Variants in HECTD4 observed in about 807,000 individuals in gnomAD.
The protein encoded by HECTD4 is probable E3 ubiquitin-protein ligase HECTD4.
In HECTD4, 114 loss-of-function variants were observed where a neutral mutation model predicts 471.5. The observed-to-expected ratio is 0.24, with a 90% CI of 0.21 to 0.28. The LOEUF (loss-of-function observed/expected upper bound fraction) is 0.28, where lower values mean the gene tolerates loss of function less well. Ranked by LOEUF, HECTD4 falls within the 10% of genes least tolerant of loss-of-function variation. The probability of loss-of-function intolerance (pLI) is 1.00; values close to 1 mark genes in which losing one functional copy is unlikely to be tolerated. For synonymous variants in HECTD4, 2,012 were observed against 2,256.0 expected, an observed-to-expected ratio of 0.89 and a Z score of 3.07; for missense variants, 3,866 against 5,651.5, an observed-to-expected ratio of 0.68 and a Z score of 10.13.
At chr12:112,201,239 C>T (rs2032418849) in intron 54 of HECTD4, 1 of 342,856 alleles carries the variant, frequency 2.9e-6, no homozygotes, top group Non-Finnish European at 5.7e-6. Context: ...GACTAGGCAC[C>T]CACCACTGTG....
chr12:112,371,497 C>T (rs2036668339), intron 1 of HECTD4, among the ~76,000 whole-genome samples: 2 of 151,930 alleles, frequency 1.3e-5, no homozygotes, highest in East Asian at 1.9e-4. Context: ...ATAGCTTGAA[C>T]CCAAGAGGCG....
In HECTD4 at chr12:112,196,901, T is replaced by C. The variant is rs1487731949; in HGVS notation, c.8568-1835A>G. 3.3e-5 allele frequency among the ~76,000 whole-genome samples: 5 copies of C among 152,294 alleles called. No individual in the cohort carries two copies. In the East Asian group the frequency reaches 9.6e-4, roughly 29 times the overall value. On this transcript the variant is annotated intron_variant, in intron 55 of 75. Coordinates refer to ENST00000682272, the MANE Select transcript of HECTD4 (RefSeq NM_001388303.1). ...AACTCCGCCTCCCAGGTTCAAGCGA[T>C]TCTCCTGCCTTGGCCTCCCAAGTAG...
Position 112,243,109 on chromosome 12 carries a change from G to T in HECTD4, c.4958+244C>A, listed in dbSNP as rs1266117151. On this transcript the variant is annotated intron_variant, in intron 32 of 75. Coordinates refer to ENST00000682272, the MANE Select transcript of HECTD4 (RefSeq NM_001388303.1). This position sits in a 1 kb window ranked among gnomAD's most constrained non-coding sequence, Gnocchi z 6.6. ...AAGAATTATACAGCTGCTTATGCAT[G>T]TATGGTTGCTGTAATGAGCTCTTAA... Among the ~76,000 whole-genome samples the T allele has an allele frequency of 1.3e-5, 2 of 152,208 alleles. No individual in the cohort carries two copies. Among genetic ancestry groups the T allele is most frequent in the Admixed American group, 1.3e-4 (2 of 15,282 alleles).
At chr12:112,359,711 G>A (rs577820297) in intron 1 of HECTD4, among the ~76,000 whole-genome samples, 12 of 152,044 alleles carry the variant, frequency 7.9e-5, no homozygotes, top group Admixed American at 3.3e-4. Flanking sequence ...GAGCCACCGC[G>A]CCTGGCCTAC....
intron 1 of HECTD4, among the ~76,000 whole-genome samples, chr12:112,327,845 C>T (rs1321312459): frequency 1.3e-5 from 2 of 152,070 alleles, no homozygotes; most frequent in Non-Finnish European, 2.9e-5. Flanking sequence ...CTGGTTAGGA[C>T]GGAAGACAGG....
At chr12:112,367,537 C>T (rs1440912231) in intron 1 of HECTD4, among the ~76,000 whole-genome samples, 2 of 151,390 alleles carry the variant, frequency 1.3e-5, no homozygotes, top group Admixed American at 6.6e-5. Flanking sequence ...AAAATGCTTC[C>T]GGCAGGGCCC....
chr12:112,227,204 A>T (rs907079333), intron 43 of HECTD4, among the ~76,000 whole-genome samples: 7 of 152,232 alleles, frequency 4.6e-5, no homozygotes, highest in African/African-American at 1.7e-4. Flanking sequence ...TCACGCCTGT[A>T]ATCCCAGCAA....
rs747175625 is a variant in HECTD4 at position 112,340,057 on chromosome 12, A to T, written c.178-20315T>A. Among the ~76,000 whole-genome samples the T allele has an allele frequency of 7.6e-4, 115 of 152,110 alleles. 1 individual carries two copies. Among genetic ancestry groups the T allele is most frequent in the Admixed American group, 1.1e-3 (17 of 15,278 alleles). ...GAGTGAGACTCAAAAAAAAAAAAAG[A>T]AAAGAAAACTCACTTTCAACTTACA... On this transcript the variant is annotated intron_variant, in intron 1 of 75. Coordinates refer to ENST00000682272, the MANE Select transcript of HECTD4 (RefSeq NM_001388303.1).
chr12:112,184,629 T>C lies in HECTD4; in HGVS notation c.10337A>G (p.Asp3446Gly), dbSNP rs746088312. ...TTTCCCGTCCCCGCCCTCGGCCTTG[T>C]CTTTTGGCTTCTTGGTGTCTTCTTC... Reference protein sequence around the residue: ...LQEEDTKKPKDKAEGGDGKVE... With the variant: ...LQEEDTKKPKGKAEGGDGKVE... Residue 3446 changes from aspartate (D) to glycine (G), a missense_variant, in exon 61 of 76, where the codon GAC becomes GGC. Physicochemically the swap from Asp to Gly is moderately conservative, Grantham distance 94. This residue lies in a region of HECTD4 where 71 missense variants were observed against 144.5 expected (regional missense o/e 0.49). Transcript: ENST00000682272. The surrounding 1 kb of genome is among the most constrained non-coding windows in gnomAD (Gnocchi z 9.1). The C allele has an allele frequency of 1.9e-6, 3 of 1,613,864 alleles. No homozygotes were observed. Among genetic ancestry groups the C allele is most frequent in the Admixed American group, 1.7e-5 (1 of 60,018 alleles).
rs540537169 is a variant in HECTD4 at position 112,219,594 on chromosome 12, C to T, written c.6971-105G>A. ...AAAACAATAAAATGCACTTATAGAGCTCATTGAATTTTTTTTTTTTTTTGA... is the reference window on the plus strand; with the variant it reads ...AAAACAATAAAATGCACTTATAGAGTTCATTGAATTTTTTTTTTTTTTTGA... On this transcript the variant is annotated intron_variant, in intron 44 of 75. Transcript: ENST00000682272. 9 of 711,832 alleles carry T rather than the reference C, an allele frequency of 1.3e-5. No individual in the cohort carries two copies. In the South Asian group the frequency reaches 1.3e-4, roughly 10 times the overall value. The allele number at this position is 711,832 out of a possible 1,614,324, so 44.1% of individuals were successfully genotyped here. A position where few individuals can be genotyped will look rare whatever the true frequency, so the allele number is the denominator to read the frequency against.
chr12:112,161,719 A>G lies in HECTD4; in HGVS notation c.*668T>C, dbSNP rs2030697381. The G allele has an allele frequency of 6.6e-6, 1 of 152,244 alleles. No individual in the cohort carries two copies. The highest frequency in any genetic ancestry group is 1.9e-4 in the East Asian group (1 of 5,186). 9.4% of individuals were successfully genotyped at this position (152,244 alleles called of 1,614,324 possible). A position where few individuals can be genotyped will look rare whatever the true frequency, so the allele number is the denominator to read the frequency against. On this transcript the variant is annotated 3_prime_UTR_variant, in exon 76 of 76. Coordinates refer to ENST00000682272, the MANE Select transcript of HECTD4 (RefSeq NM_001388303.1). The stretch of plus-strand genomic sequence containing the variant: ...GGAGGCCTCAGATGAAAACTGTCAG[A>G]CCAGGGCCCAAAGAGACAGACGGCA...
chr12:112,248,299 C>T, intron 26 of HECTD4, 21 bp downstream of exon 26: 3 of 1,557,646 alleles, frequency 1.9e-6, no homozygotes, highest in African/African-American at 1.4e-5. Context: ...AAATTGTTTC[C>T]AACAGTTATC....
At chr12:112,205,710 C>T (rs1593928157) in intron 52 of HECTD4, among the ~76,000 whole-genome samples, 1 of 151,770 alleles carries the variant, frequency 6.6e-6, no homozygotes, top group Non-Finnish European at 1.5e-5. Context: ...CATGCTTCAG[C>T]CTCTCAAGTA....
At chr12:112,302,817 A>G (rs2035192114) in intron 7 of HECTD4, among the ~76,000 whole-genome samples, 1 of 152,138 alleles carries the variant, frequency 6.6e-6, no homozygotes, top group Admixed American at 6.5e-5. Context: ...AAAATTTTCA[A>G]CACACACAAA....
At position 112,213,235 on chromosome 12, in the gene HECTD4, T is replaced by C. The variant is rs1024334229; in HGVS notation, c.7466-585A>G. On this transcript the variant is annotated intron_variant, in intron 48 of 75. Coordinates refer to ENST00000682272, the MANE Select transcript of HECTD4 (RefSeq NM_001388303.1). This position sits in a 1 kb window ranked among gnomAD's most constrained non-coding sequence, Gnocchi z 4.0. ...TACATATTAAATTTAGCCTTTATTT[T>C]CCTGGCAGGCAAGAAAAAAATGAAA... Among the ~76,000 whole-genome samples the C allele has an allele frequency of 9.9e-5, 15 of 152,160 alleles. No homozygotes were observed. The highest frequency in any genetic ancestry group is 3.6e-4 in the African/African-American group (15 of 41,440).
chr12:112,272,040 A>G (rs1178870447), intron 11 of HECTD4, among the ~76,000 whole-genome samples: 3 of 151,436 alleles, frequency 2.0e-5, no homozygotes, highest in African/African-American at 7.3e-5. Context: ...TTTTAATTTT[A>G]TCTTATTTTA....
intron 1 of HECTD4, among the ~76,000 whole-genome samples, chr12:112,325,528 A>T (rs1462416522): frequency 1.3e-5 from 2 of 152,198 alleles, no homozygotes; most frequent in Non-Finnish European, 2.9e-5. Flanking sequence ...CAGCTATGGC[A>T]TATCTATTCT....
intron 25 of HECTD4, among the ~76,000 whole-genome samples, chr12:112,249,265 A>G (rs2033826797): frequency 2.0e-5 from 3 of 151,882 alleles, no homozygotes; most frequent in Non-Finnish European, 4.4e-5. Context: ...GAGGCAGGAG[A>G]ATCTCTTGAA....
intron 1 of HECTD4, among the ~76,000 whole-genome samples, chr12:112,379,658 C>T (rs1011707964): frequency 2.0e-5 from 3 of 151,942 alleles, no homozygotes; most frequent in Non-Finnish European, 2.9e-5. Context: ...GGAGCCACTG[C>T]ACTCTAGCCT....
Sources: allele counts gnomAD v4.1 joint callset (sites outside exome capture counted in the v4.1 genomes callset), GRCh38; gene constraint gnomAD v4.1.1; regional missense constraint gnomAD v4.1.1; non-coding constraint Gnocchi (gnomAD v3.1); transcripts MANE v1.5; gene names NCBI Gene and HGNC (gene_info 2026-07-23, HGNC 2026-07-21).